The following DCAF6 variants were observed in gnomAD, a reference collection of about 807,000 sequenced individuals.
DCAF6 encodes DDB1 and CUL4 associated factor 6.
In DCAF6, 54 loss-of-function variants were observed where a neutral mutation model predicts 125.1. The observed-to-expected ratio is 0.43, with a 90% confidence interval of 0.35 to 0.54. DCAF6 has a LOEUF of 0.54. Ranked by LOEUF, DCAF6 falls within the 20% of genes least tolerant of loss-of-function variation. The probability of loss-of-function intolerance (pLI) is 0.01; values close to 1 mark genes in which losing one functional copy is unlikely to be tolerated. For synonymous variants in DCAF6, 371 were observed against 390.4 expected, an observed-to-expected ratio of 0.95 and a Z score of 0.58; for missense variants, 934 against 1,161.7, an observed-to-expected ratio of 0.80 and a Z score of 2.85.
intron 3 of DCAF6, among the ~76,000 whole-genome samples, chr1:167,974,295 A>G (rs145499471): frequency 3.9e-5 from 6 of 152,118 alleles, no homozygotes; most frequent in Non-Finnish European, 7.4e-5. Flanking sequence ...ATCTGCAACA[A>G]ATTATACAAA....
chr1:168,067,255 G>T (rs1170527545), intron 20 of DCAF6, among the ~76,000 whole-genome samples: 1 of 152,186 alleles, frequency 6.6e-6, no homozygotes, highest in East Asian at 1.9e-4. Context: ...TTATAAAACA[G>T]TTGATGTATT....
intron 13 of DCAF6, among the ~76,000 whole-genome samples, chr1:168,038,817 A>G (rs1054037388): frequency 6.6e-6 from 1 of 152,178 alleles, no homozygotes; most frequent in African/African-American, 2.4e-5. Context: ...GTGCAAAAAT[A>G]TAAACATTTT....
At chr1:168,057,277 A>G (rs976497645) in intron 17 of DCAF6, among the ~76,000 whole-genome samples, 2 of 152,130 alleles carry the variant, frequency 1.3e-5, no homozygotes, top group African/African-American at 4.8e-5. Context: ...CTTATATTTT[A>G]GCCTAGTTTT....
intron 7 of DCAF6, among the ~76,000 whole-genome samples, chr1:167,995,499 G>T (rs1343112641): frequency 2.0e-5 from 3 of 152,020 alleles, no homozygotes; most frequent in African/African-American, 4.8e-5. Context: ...GGCCAACATG[G>T]TGAAACCCTT....
chr1:168,000,307 G>A (rs1682410613), intron 7 of DCAF6, among the ~76,000 whole-genome samples: 1 of 152,064 alleles, frequency 6.6e-6, no homozygotes, highest in Non-Finnish European at 1.5e-5. Flanking sequence ...GGATAATAAT[G>A]AATAAGTTTG....
chr1:168,015,042 C>G (rs1447157597), intron 10 of DCAF6, among the ~76,000 whole-genome samples: 2 of 152,188 alleles, frequency 1.3e-5, no homozygotes, highest in Non-Finnish European at 2.9e-5. Flanking sequence ...TCTCTCAGAA[C>G]ATTAACTCCA....
chr1:167,977,012 T>C (rs1678340106), intron 4 of DCAF6, among the ~76,000 whole-genome samples: 1 of 146,468 alleles, frequency 6.8e-6, no homozygotes, highest in Non-Finnish European at 1.5e-5. Context: ...CAAGTAATTC[T>C]CCTGTCAGCC....
At chr1:168,040,506 G>C (rs1292287053) in intron 13 of DCAF6, among the ~76,000 whole-genome samples, 1 of 151,628 alleles carries the variant, frequency 6.6e-6, no homozygotes, top group Non-Finnish European at 1.5e-5. Flanking sequence ...AAAAAGTGAT[G>C]GGATTCTAGA....
chr1:167,870,869 T>C, the DCAF6 span, among the ~76,000 whole-genome samples: 2,634 of 152,124 alleles, frequency 0.017, 31 homozygotes, highest in East Asian at 0.067. Flanking sequence ...TCAAGCCTTA[T>C]GCACTTTCAA....
chr1:168,064,010 CTTTTGTT>C (rs1691964014), intron 18 of DCAF6: 1 of 199,958 alleles, frequency 5.0e-6, no homozygotes, highest in African/African-American at 3.1e-5. Flanking sequence ...GTAATCATTG[CTTTTGTT>C]TTTTTTTTTT....
chr1:168,006,220 C>T (rs1291438939), intron 10 of DCAF6, among the ~76,000 whole-genome samples: 1 of 151,970 alleles, frequency 6.6e-6, no homozygotes, highest in Non-Finnish European at 1.5e-5. Flanking sequence ...TTTCAAATTG[C>T]TAAATTCCTT....
the DCAF6 span, chr1:167,870,176 C>T: frequency 1.3e-6 from 2 of 1,495,226 alleles, no homozygotes; most frequent in Non-Finnish European, 1.9e-6. Flanking sequence ...TTACATAAGG[C>T]AAGTTATAGG....
At chr1:168,063,846 C>A (rs2101960234) in intron 18 of DCAF6, 87 bp downstream of exon 18, 2 of 1,304,056 alleles carry the variant, frequency 1.5e-6, no homozygotes, top group Admixed American at 2.4e-5. Flanking sequence ...CATATATTGC[C>A]AATGGGATTT....
At chr1:167,975,088 ATG>A in intron 4 of DCAF6, 73 bp downstream of exon 4, 2 of 955,972 alleles carry the variant, frequency 2.1e-6, no homozygotes, top group South Asian at 2.7e-5. Flanking sequence ...ACATGTGTAG[ATG>A]CATGTGTGTA....
At chr1:167,869,301 C>T in the DCAF6 span, among the ~76,000 whole-genome samples, 1 of 152,112 alleles carries the variant, frequency 6.6e-6, no homozygotes, top group African/African-American at 2.4e-5. Flanking sequence ...CCTTAGTTCA[C>T]CAAAATGCCT....
chr1:168,022,494 T>A (rs983342603), intron 11 of DCAF6, among the ~76,000 whole-genome samples: 1 of 152,228 alleles, frequency 6.6e-6, no homozygotes, highest in African/African-American at 2.4e-5. Flanking sequence ...ATTTTTCTTA[T>A]AAACCATTTT....
chr1:167,966,617 C>G lies in DCAF6; in HGVS notation c.160-12C>G, dbSNP rs750046667. ...CCAATTTGCTTATATTTCTTTTTTG[C>G]TTTCTCTTTAGGTTAATACAATCTG... On this transcript the variant is annotated splice_polypyrimidine_tract_variant and intron_variant, in intron 2 of 21. Coordinates refer to ENST00000367840, the MANE Select transcript of DCAF6 (RefSeq NM_001198956.2). 5.2e-6 allele frequency: 8 copies of G among 1,538,534 alleles called. No homozygotes were observed. The South Asian group carries it at 9.3e-5, about 18-fold the overall frequency.
the DCAF6 span, among the ~76,000 whole-genome samples, chr1:167,882,510 G>C: frequency 3.5e-5 from 5 of 141,210 alleles, no homozygotes; most frequent in South Asian, 1.1e-3. Context: ...AAAAAGAACA[G>C]AGCGAAAACA....
the DCAF6 span, among the ~76,000 whole-genome samples, chr1:167,911,034 TA>T: frequency 6.6e-6 from 1 of 152,238 alleles, no homozygotes; most frequent in African/African-American, 2.4e-5. Flanking sequence ...ACTGTTTTGC[TA>T]AAGTTGTTAA....
Sources: allele counts gnomAD v4.1 joint callset (sites outside exome capture counted in the v4.1 genomes callset), GRCh38; gene constraint gnomAD v4.1.1; transcripts MANE v1.5; gene names NCBI Gene and HGNC (gene_info 2026-07-23, HGNC 2026-07-21).